The following DDX10 variants were observed in gnomAD, a reference collection of about 807,000 sequenced individuals.
DDX10 encodes DEAD-box helicase 10.
Under a neutral mutation model 104.3 loss-of-function variants are expected in DDX10, and 74 were observed. That is an observed-to-expected ratio of 0.71 (90% CI 0.59 to 0.86). DDX10 has a LOEUF of 0.86. Among genes scored for constraint, DDX10 ranks in the 40% least tolerant of loss-of-function variants. The pLI, the probability that DDX10 is intolerant of heterozygous loss-of-function variation, is 0.00. For synonymous variants in DDX10, 351 were observed against 353.4 expected, an observed-to-expected ratio of 0.99 and a Z score of 0.08; for missense variants, 952 against 1,040.0, an observed-to-expected ratio of 0.92 and a Z score of 1.16.
intron 10 of DDX10, among the ~76,000 whole-genome samples, chr11:108,714,298 C>G (rs1389231293): frequency 1.3e-5 from 2 of 152,204 alleles, no homozygotes; most frequent in African/African-American, 4.8e-5. Context: ...CACTGCCTCC[C>G]CCAGTTGTTT....
chr11:108,819,932 T>C (rs888451864), intron 13 of DDX10, among the ~76,000 whole-genome samples: 8 of 152,104 alleles, frequency 5.3e-5, no homozygotes, highest in African/African-American at 1.4e-4. Flanking sequence ...GATTGTAGGG[T>C]CCAACATTTA....
At chr11:108,727,499 C>T (rs143408061) in intron 13 of DDX10, among the ~76,000 whole-genome samples, 141 of 152,138 alleles carry the variant, frequency 9.3e-4, no homozygotes, top group African/African-American at 3.3e-3. Context: ...CTACTTTATT[C>T]CAAATTCCTT....
chr11:108,839,662 G>A (rs1327407482), intron 14 of DDX10, among the ~76,000 whole-genome samples: 1 of 152,072 alleles, frequency 6.6e-6, no homozygotes, highest in African/African-American at 2.4e-5. Flanking sequence ...TTAAAGTTTT[G>A]GATGTTATTT....
rs143541454 is a variant in DDX10 at position 108,905,128 on chromosome 11, T to C, written c.2305-12745T>C. On this transcript the variant is annotated intron_variant, in intron 16 of 17. Transcript: ENST00000322536. ...AAATGTGTTATGTATATTTACTTTA[T>C]ATTTTTCATATTGTTTCAGGGGTTT... 1.7e-3 allele frequency among the ~76,000 whole-genome samples: 255 copies of C among 152,332 alleles called. 1 individual carries two copies. The highest frequency in any genetic ancestry group is 2.6e-3 in the Non-Finnish European group (180 of 68,028).
rs576878866 is a variant in DDX10 at position 108,814,724 on chromosome 11, G to A, written c.1966-23722G>A. Among the ~76,000 whole-genome samples the A allele has an allele frequency of 2.7e-4, 41 of 152,152 alleles. No individual in the cohort carries two copies. The Middle Eastern group carries it at 0.01, about 38-fold the overall frequency. Reference sequence around the variant, plus strand: ...ACTTTAAAAAGAAAAATGATCCTTCGTAATTAAGTTAATGATCATTAGGGG... The same window carrying A: ...ACTTTAAAAAGAAAAATGATCCTTCATAATTAAGTTAATGATCATTAGGGG... On this transcript the variant is annotated intron_variant, in intron 13 of 17. Transcript: ENST00000322536.
At chr11:108,882,280 C>A (rs1863237353) in intron 16 of DDX10, among the ~76,000 whole-genome samples, 1 of 152,172 alleles carries the variant, frequency 6.6e-6, no homozygotes, top group Admixed American at 6.5e-5. Context: ...ACCTTTACAT[C>A]TGGGAACAGG....
At chr11:108,778,238 C>G (rs1159085020) in intron 13 of DDX10, among the ~76,000 whole-genome samples, 1 of 151,972 alleles carries the variant, frequency 6.6e-6, no homozygotes, top group Admixed American at 6.5e-5. Context: ...ATTGCCAAGA[C>G]AATCCTAAGC....
Position 108,747,119 on chromosome 11 carries a change from T to C in DDX10, c.1965+23657T>C, listed in dbSNP as rs184803563. ...GTCTGAACATATATATATAAGAGAA[T>C]AGCTGAATTTGAATGTGCATTGTGC... On this transcript the variant is annotated intron_variant, in intron 13 of 17. Transcript: ENST00000322536. Among the ~76,000 whole-genome samples, 19 of 152,220 alleles carry C rather than the reference T, an allele frequency of 1.2e-4. No homozygotes were observed. The East Asian group carries it at 3.3e-3, about 26-fold the overall frequency.
At chr11:108,732,486 T>C (rs1481325650) in intron 13 of DDX10, among the ~76,000 whole-genome samples, 2 of 152,170 alleles carry the variant, frequency 1.3e-5, no homozygotes, top group East Asian at 3.8e-4. Context: ...GAGTATAAAA[T>C]GAATGTTTGC....
intron 6 of DDX10, among the ~76,000 whole-genome samples, chr11:108,686,321 A>G (rs1213786061): frequency 6.6e-6 from 1 of 152,056 alleles, no homozygotes; most frequent in African/African-American, 2.4e-5. Flanking sequence ...GGACAAATTT[A>G]TGATAACATA....
chr11:108,939,445 A>G (rs1265922761), intron 17 of DDX10, among the ~76,000 whole-genome samples: 1 of 152,226 alleles, frequency 6.6e-6, no homozygotes, highest in Non-Finnish European at 1.5e-5. Context: ...GCGCAGTGCC[A>G]CACTCTGAGG....
At chr11:108,696,258 C>T (rs1472155059) in intron 9 of DDX10, among the ~76,000 whole-genome samples, 1 of 152,074 alleles carries the variant, frequency 6.6e-6, no homozygotes, top group Non-Finnish European at 1.5e-5. Context: ...CTCACTGCAA[C>T]CTCCGCCTCC....
intron 13 of DDX10, among the ~76,000 whole-genome samples, chr11:108,749,473 A>G (rs1428032424): frequency 6.6e-6 from 1 of 152,168 alleles, no homozygotes; most frequent in Admixed American, 6.5e-5. Flanking sequence ...CTTAAAGGTC[A>G]AGGAGCTGAT....
intron 12 of DDX10, 149 bp from the exon 13 acceptor site, chr11:108,722,848 A>C (rs1378416645): frequency 2.3e-6 from 3 of 1,276,686 alleles, no homozygotes. Context: ...TTTTGGATCA[A>C]CTAACCTGTT....
chr11:108,922,374 C>A (rs929557239), intron 17 of DDX10: 1 of 151,908 alleles, frequency 6.6e-6, no homozygotes, highest in Admixed American at 6.5e-5. Flanking sequence ...CCAACCTAAA[C>A]TAGCATGAGC....
intron 16 of DDX10, among the ~76,000 whole-genome samples, chr11:108,904,783 T>C (rs1038938780): frequency 1.3e-5 from 2 of 152,126 alleles, no homozygotes; most frequent in African/African-American, 4.8e-5. Context: ...AATGTAGCCA[T>C]GTGCCAGAGA....
intron 16 of DDX10, among the ~76,000 whole-genome samples, chr11:108,911,414 T>A (rs1396798643): frequency 1.3e-5 from 2 of 152,162 alleles, no homozygotes; most frequent in Non-Finnish European, 2.9e-5. Context: ...CTCTGCTTCA[T>A]AGATGGTACC....
chr11:108,835,379 G>T (rs925208336), intron 13 of DDX10, among the ~76,000 whole-genome samples: 3 of 152,190 alleles, frequency 2.0e-5, no homozygotes, highest in Non-Finnish European at 4.4e-5. Context: ...CTGGGAGGTG[G>T]AGGAAGTGGA....
At chr11:108,701,454 T>C (rs2094267799) in intron 9 of DDX10, among the ~76,000 whole-genome samples, 1 of 152,158 alleles carries the variant, frequency 6.6e-6, no homozygotes, top group South Asian at 2.1e-4. Flanking sequence ...TTCTTGATTA[T>C]TGTATTGTGA....
Sources: allele counts gnomAD v4.1 joint callset (sites outside exome capture counted in the v4.1 genomes callset), GRCh38; gene constraint gnomAD v4.1.1; transcripts MANE v1.5; gene names NCBI Gene and HGNC (gene_info 2026-07-23, HGNC 2026-07-21).